CNGB3: variants seen among roughly 807,000 people sequenced by gnomAD.
CNGB3 encodes the protein cyclic nucleotide-gated channel beta-3.
Under a neutral mutation model 92.8 loss-of-function variants are expected in CNGB3, and 86 were observed. That is an observed-to-expected ratio of 0.93 (90% CI 0.78 to 1.11). The LOEUF (loss-of-function observed/expected upper bound fraction) is 1.11. CNGB3 is among the 50% of genes least tolerant of loss of function. The pLI, the probability that CNGB3 is intolerant of heterozygous loss-of-function variation, is 0.00. For missense variants in CNGB3, 1,026 were observed against 956.8 expected (o/e 1.07, Z -0.95); for synonymous variants, 333 against 332.7 (o/e 1.00, Z -0.01).
In CNGB3 at chr8:86,643,761, C is replaced by CG. The variant is rs1389959147; in HGVS notation, c.1167_1168insC (p.Glu390ArgfsTer30). 2 of 1,605,116 alleles carry CG rather than the reference C, an allele frequency of 1.2e-6. No homozygotes were observed. Among genetic ancestry groups the CG allele is most frequent in the Non-Finnish European group, 1.7e-6 (2 of 1,174,712 alleles). On this transcript the variant is annotated frameshift_variant, in exon 10 of 18. Coordinates refer to ENST00000320005, the MANE Select transcript of CNGB3 (RefSeq NM_019098.5). LOFTEE classifies it high-confidence loss of function. The stretch of plus-strand genomic sequence containing the variant: ...AAAATCAGAACTTACTCGTTTCCTT[C>CG]CCCATCATACACCCATCTAGTAGTG...
rs747190079 is a variant in CNGB3 at position 86,576,062 on chromosome 8, T to C, written c.2172A>G (p.Glu724=). 1 of 1,603,268 alleles carries C rather than the reference T, an allele frequency of 6.2e-7. No homozygotes were observed. The highest frequency in any genetic ancestry group is 1.7e-5 in the Admixed American group (1 of 59,036). Residue 724 remains glutamate (E), a synonymous_variant, in exon 18 of 18, where the codon GAA becomes GAG. Transcript: ENST00000320005. Reference sequence around the variant, plus strand: ...TATCTTCATTTTCTTTTTGTTTATCTTCATTTTCTTTTTGTTTATCTTCAT... The same window carrying C: ...TATCTTCATTTTCTTTTTGTTTATCCTCATTTTCTTTTTGTTTATCTTCAT... ...KENEDKQKEN[E]DKQKENEDKG...
chr8:86,579,148 A>C lies in CNGB3; in HGVS notation c.1886T>G (p.Val629Gly). The C allele has an allele frequency of 6.2e-7, 1 of 1,614,170 alleles. No homozygotes were observed. The highest frequency in any genetic ancestry group is 8.5e-7 in the Non-Finnish European group (1 of 1,180,028). ...GATCCTTTCAGAATCTGGATAATGC[A>C]CTAGAATTTCTTGGAGGGTCTTTTT... ...LDKKTLQEIL[V>G]HYPDSERILM... is the part of the protein sequence containing the mutation. Residue 629 changes from valine (V) to glycine (G), a missense_variant, in exon 16 of 18, where the codon GTG (valine) becomes GGG (glycine). Physicochemically the swap from Val to Gly is moderately radical, Grantham distance 109. Coordinates refer to ENST00000320005, the MANE Select transcript of CNGB3 (RefSeq NM_019098.5).
intron 1 of CNGB3, among the ~76,000 whole-genome samples, chr8:86,741,712 C>T (rs554402871): frequency 2.8e-4 from 43 of 152,074 alleles, no homozygotes; most frequent in African/African-American, 8.2e-4. Flanking sequence ...GTAGACTTCG[C>T]GATTAATATC....
intron 3 of CNGB3, among the ~76,000 whole-genome samples, chr8:86,688,701 A>G (rs961657772): frequency 6.6e-6 from 1 of 150,642 alleles, no homozygotes; most frequent in East Asian, 1.9e-4. Flanking sequence ...ATTTGGATAT[A>G]TTTTTTTCTT....
intron 3 of CNGB3, among the ~76,000 whole-genome samples, chr8:86,674,912 C>G (rs1823936105): frequency 6.6e-6 from 1 of 150,894 alleles, no homozygotes; most frequent in Admixed American, 6.6e-5. Flanking sequence ...CAACACCACA[C>G]CTGTCTAATA....
intron 15 of CNGB3, among the ~76,000 whole-genome samples, chr8:86,592,686 C>T (rs995686805): frequency 6.6e-6 from 1 of 152,160 alleles, no homozygotes; most frequent in Non-Finnish European, 1.5e-5. Context: ...TACATTTTCT[C>T]ATGTAGAATT....
intron 6 of CNGB3, 70 bp from the exon 7 acceptor site, chr8:86,654,132 T>C (rs1456899799): frequency 9.8e-7 from 1 of 1,018,592 alleles, no homozygotes; most frequent in African/African-American, 1.6e-5. Flanking sequence ...CTTTTAAATT[T>C]ATAACTGTTT....
In CNGB3 at chr8:86,580,327, T is replaced by C. The variant is rs78659712; in HGVS notation, c.1782-1075A>G. ...CCAAACCATGTCAGTTGGGTACTCT[T>C]AGACTTTTCCTCACTTCTGTCAGTA... On this transcript the variant is annotated intron_variant, in intron 15 of 17. Coordinates refer to ENST00000320005, the MANE Select transcript of CNGB3 (RefSeq NM_019098.5). 2.2e-3 allele frequency among the ~76,000 whole-genome samples: 336 copies of C among 152,352 alleles called. 1 individual carries two copies. Among genetic ancestry groups the C allele is most frequent in the African/African-American group, 7.5e-3 (312 of 41,584 alleles).
chr8:86,618,634 A>G (rs925392339), intron 13 of CNGB3, among the ~76,000 whole-genome samples: 1 of 152,220 alleles, frequency 6.6e-6, no homozygotes, highest in African/African-American at 2.4e-5. Context: ...GTATAGTTGA[A>G]TGGAGTTCAT....
At chr8:86,727,078 G>A (rs1027990409) in intron 2 of CNGB3, among the ~76,000 whole-genome samples, 1 of 152,136 alleles carries the variant, frequency 6.6e-6, no homozygotes, top group Non-Finnish European at 1.5e-5. Flanking sequence ...CTAACACAAT[G>A]GTCAGTCTGT....
chr8:86,727,584 A>G (rs912733996), intron 2 of CNGB3, among the ~76,000 whole-genome samples: 5 of 152,136 alleles, frequency 3.3e-5, no homozygotes, highest in African/African-American at 9.6e-5. Context: ...TTAAATTGTA[A>G]TTTACCCAGA....
intron 8 of CNGB3, among the ~76,000 whole-genome samples, chr8:86,645,643 A>T (rs1823281741): frequency 1.3e-5 from 2 of 151,326 alleles, no homozygotes; most frequent in South Asian, 4.1e-4. Context: ...TAGAATTAAA[A>T]ATAGTATATG....
rs904002051 is a variant in CNGB3, at chr8:86,655,572, G to C, written c.853-1510C>G. On this transcript the variant is annotated intron_variant, in intron 6 of 17. Coordinates refer to ENST00000320005, the MANE Select transcript of CNGB3 (RefSeq NM_019098.5). ...AAGATTTGGACTAAGGGTCTTCTCT[G>C]TCAGATGGTTTTCTCTGAGCCTTAT... Among the ~76,000 whole-genome samples the C allele has an allele frequency of 2.6e-5, 4 of 152,150 alleles. 1 individual carries two copies. The highest frequency in any genetic ancestry group is 9.7e-5 in the African/African-American group (4 of 41,448).
intron 15 of CNGB3, among the ~76,000 whole-genome samples, chr8:86,586,582 C>T (rs1476952123): frequency 5.4e-5 from 8 of 148,980 alleles, no homozygotes; most frequent in East Asian, 2.0e-4. Flanking sequence ...TGAGAATATG[C>T]GGTGTTTGGT....
At chr8:86,644,767 T>G (rs1823266074) in intron 8 of CNGB3, 81 bp from the exon 9 acceptor site, 2 of 955,534 alleles carry the variant, frequency 2.1e-6, no homozygotes, top group African/African-American at 3.4e-5. Context: ...GAAATAGATT[T>G]TATTACTGAA....
chr8:86,596,558 C>A (rs1481832244), intron 15 of CNGB3, among the ~76,000 whole-genome samples: 1 of 152,156 alleles, frequency 6.6e-6, no homozygotes, highest in Non-Finnish European at 1.5e-5. Flanking sequence ...TAATTACATT[C>A]ACTTATTTAT....
chr8:86,706,562 A>G (rs115400729), intron 3 of CNGB3, among the ~76,000 whole-genome samples: 1,678 of 152,296 alleles, frequency 0.011, 11 homozygotes, highest in African/African-American at 0.02. Flanking sequence ...CCTTTCTCCA[A>G]TTAGATTTGC....
intron 15 of CNGB3, among the ~76,000 whole-genome samples, chr8:86,590,031 G>T (rs952317171): frequency 4.9e-4 from 73 of 147,960 alleles, no homozygotes; most frequent in African/African-American, 1.8e-3. Flanking sequence ...TCCTGTATTG[G>T]GTGCATATAT....
At chr8:86,651,234 G>GCACCAGAGTATGGGT (rs1443435857) in intron 7 of CNGB3, among the ~76,000 whole-genome samples, 2 of 151,484 alleles carry the variant, frequency 1.3e-5, no homozygotes, top group Non-Finnish European at 3.0e-5. Context: ...TGGGTGCACT[G>GCACCAGAGTATGGGT]AAATCTCATA....
Sources: gnomAD v4.1 joint callset for allele counts (sites outside exome capture counted in the v4.1 genomes callset) on GRCh38, gnomAD v4.1.1 for gene constraint, MANE v1.5 for transcripts, NCBI Gene and HGNC (gene_info 2026-07-23, HGNC 2026-07-21) for gene names.